The following AIG1 variants were observed in gnomAD, a reference collection of about 807,000 sequenced individuals.
AIG1 encodes the protein androgen induced 1.
AIG1 carries 23 observed loss-of-function variants against 31.4 expected under a neutral mutation model. That is an observed-to-expected ratio of 0.73 (90% CI 0.53 to 1.04). The LOEUF is 1.04. Among genes scored for constraint, AIG1 ranks in the 50% least tolerant of loss-of-function variants. The probability of loss-of-function intolerance (pLI) is 0.00; values close to 1 mark genes in which losing one functional copy is unlikely to be tolerated. For synonymous variants in AIG1, 100 were observed against 110.5 expected (o/e 0.90, Z 0.60); for missense variants, 274 against 295.0 (o/e 0.93, Z 0.52).
rs953662443 is a variant in AIG1, at chr6:143,333,068, T to G, written c.516-214T>G. Among the ~76,000 whole-genome samples the G allele has an allele frequency of 2.0e-5, 3 of 152,250 alleles. No individual in the cohort carries two copies. Among genetic ancestry groups the G allele is most frequent in the East Asian group, 1.9e-4 (1 of 5,200 alleles). On this transcript the variant is annotated intron_variant, in intron 4 of 5. Coordinates refer to ENST00000357847, the MANE Select transcript of AIG1 (RefSeq NM_016108.4). The surrounding 1 kb of genome is among the most constrained non-coding windows in gnomAD (Gnocchi z 4.6). Reference sequence around the variant, plus strand: ...GAGGGGAAGCTGAGTGTGTTGTGCTTCTTCTGTGAGTCTAAAATTATTTCA... The same window carrying G: ...GAGGGGAAGCTGAGTGTGTTGTGCTGCTTCTGTGAGTCTAAAATTATTTCA...
intron 3 of AIG1, among the ~76,000 whole-genome samples, chr6:143,203,774 C>T (rs1790889219): frequency 6.6e-6 from 1 of 152,184 alleles, no homozygotes; most frequent in Non-Finnish European, 1.5e-5. Context: ...GAGACACCTA[C>T]AACAAAGAAG....
chr6:143,203,808 C>T (rs1790892730), intron 3 of AIG1, among the ~76,000 whole-genome samples: 1 of 152,186 alleles, frequency 6.6e-6, no homozygotes, highest in Non-Finnish European at 1.5e-5. Context: ...AAGAATTCGA[C>T]AGAAGACATG....
intron 3 of AIG1, among the ~76,000 whole-genome samples, chr6:143,273,841 T>C (rs1331660355): frequency 6.6e-6 from 1 of 152,168 alleles, no homozygotes; most frequent in Non-Finnish European, 1.5e-5. Context: ...ATGGGAATTA[T>C]GGGAGCTACA....
chr6:143,342,424 T>C (rs1389277624), downstream of AIG1: 1 of 751,470 alleles, frequency 1.3e-6, no homozygotes. Context: ...CCCAGTAAGG[T>C]TGAACCTCGA....
intron 3 of AIG1, among the ~76,000 whole-genome samples, chr6:143,277,739 T>C (rs1797044515): frequency 6.6e-6 from 1 of 152,206 alleles, no homozygotes; most frequent in Admixed American, 6.5e-5. Context: ...TGGTTTTACT[T>C]CTGAGGAAAA....
rs1295876731 is a variant in AIG1 at position 143,333,574 on chromosome 6, C to T, written c.679+129C>T. 3 of 891,682 alleles carry T rather than the reference C, an allele frequency of 3.4e-6. No individual in the cohort carries two copies. Among genetic ancestry groups the T allele is most frequent in the Admixed American group, 3.7e-5 (1 of 27,394 alleles). The allele number at this position is 891,682 out of a possible 1,614,324, so 55.2% of individuals were successfully genotyped here. On this transcript the variant is annotated intron_variant, in intron 5 of 5. Coordinates refer to ENST00000357847, the MANE Select transcript of AIG1 (RefSeq NM_016108.4). The surrounding 1 kb of genome is among the most constrained non-coding windows in gnomAD (Gnocchi z 4.6). ...ACACAGGATCTCCTATAAAGAGCTC[C>T]ATTTTTAAAACTACAATATGAATTT...
chr6:143,214,286 G>C (rs1791832356), intron 3 of AIG1, among the ~76,000 whole-genome samples: 1 of 152,212 alleles, frequency 6.6e-6, no homozygotes, highest in East Asian at 1.9e-4. Context: ...AACTGGACTT[G>C]AGATCAGAAA....
chr6:143,212,970 A>T (rs549329661), intron 3 of AIG1, among the ~76,000 whole-genome samples: 3 of 152,258 alleles, frequency 2.0e-5, no homozygotes, highest in Non-Finnish European at 4.4e-5. Flanking sequence ...ACAGAGGGAG[A>T]AAAAAATGGA....
intron 3 of AIG1, among the ~76,000 whole-genome samples, chr6:143,227,123 T>TA (rs1376638211): frequency 1.3e-5 from 2 of 151,892 alleles, no homozygotes; most frequent in Non-Finnish European, 2.9e-5. Flanking sequence ...CTAAAGAAGA[T>TA]AATTCACTGT....
intron 2 of AIG1, among the ~76,000 whole-genome samples, chr6:143,143,418 G>A (rs1396995869): frequency 3.5e-5 from 5 of 142,604 alleles, no homozygotes; most frequent in Non-Finnish European, 7.5e-5. Context: ...GGAGAATGGC[G>A]TGAACCCAGG....
At chr6:143,198,092 A>C (rs9390067) in intron 3 of AIG1, among the ~76,000 whole-genome samples, 6,082 of 152,232 alleles carry the variant, frequency 0.04, 373 homozygotes, top group African/African-American at 0.13. Context: ...CCTATGTGCA[A>C]AGAGAGCCAA....
intron 2 of AIG1, among the ~76,000 whole-genome samples, chr6:143,162,577 T>A (rs967380224): frequency 6.6e-6 from 1 of 152,170 alleles, no homozygotes; most frequent in Non-Finnish European, 1.5e-5. Context: ...GTGAATATGA[T>A]GGGTTGTCAC....
chr6:143,075,654 G>A (rs1777669959), intron 1 of AIG1, among the ~76,000 whole-genome samples: 2 of 151,970 alleles, frequency 1.3e-5, no homozygotes, highest in South Asian at 4.1e-4. Flanking sequence ...TTTGTTTTGG[G>A]TTTGTTTTGT....
intron 3 of AIG1, among the ~76,000 whole-genome samples, chr6:143,221,971 G>C (rs1792554305): frequency 6.6e-6 from 1 of 152,188 alleles, no homozygotes; most frequent in Non-Finnish European, 1.5e-5. Flanking sequence ...ATGCTGCAGG[G>C]CAAGAGATCT....
At chr6:143,124,630 C>A (rs887045469) in intron 1 of AIG1, among the ~76,000 whole-genome samples, 2 of 152,100 alleles carry the variant, frequency 1.3e-5, no homozygotes, top group South Asian at 4.1e-4. Flanking sequence ...AAGAAATACC[C>A]GAGGGTAATT....
At chr6:143,315,148 C>T (rs1447951323) in intron 4 of AIG1, among the ~76,000 whole-genome samples, 2 of 151,898 alleles carry the variant, frequency 1.3e-5, no homozygotes, top group South Asian at 2.1e-4. Flanking sequence ...AGTTGATATA[C>T]TAAAGCAATG....
At chr6:143,192,294 C>T (rs1789858823) in intron 3 of AIG1, among the ~76,000 whole-genome samples, 1 of 152,108 alleles carries the variant, frequency 6.6e-6, no homozygotes, top group African/African-American at 2.4e-5. Flanking sequence ...GGAATAAGTC[C>T]TCAACAAAAA....
intron 1 of AIG1, among the ~76,000 whole-genome samples, chr6:143,066,667 GAT>G (rs1167314851): frequency 6.6e-6 from 1 of 152,154 alleles, no homozygotes; most frequent in Non-Finnish European, 1.5e-5. Context: ...ATAAAAGAAA[GAT>G]ATGTTTCAGA....
At chr6:143,238,685 C>T (rs909092621) in intron 3 of AIG1, among the ~76,000 whole-genome samples, 1 of 152,194 alleles carries the variant, frequency 6.6e-6, no homozygotes, top group Middle Eastern at 3.2e-3. Flanking sequence ...CTAGCAATGG[C>T]CATTTGGCCC....
Sources: gnomAD v4.1 joint callset for allele counts (sites outside exome capture counted in the v4.1 genomes callset) on GRCh38, gnomAD v4.1.1 for gene constraint, Gnocchi (gnomAD v3.1) non-coding constraint, MANE v1.5 for transcripts, NCBI Gene and HGNC (gene_info 2026-07-23, HGNC 2026-07-21) for gene names.